PLB1: variants seen among roughly 807,000 people sequenced by gnomAD.
PLB1 encodes the protein phospholipase B1, membrane-associated.
In PLB1, 242 loss-of-function variants were observed where a neutral mutation model predicts 227.4. The observed-to-expected ratio is 1.06, with a 90% CI of 0.96 to 1.18. The LOEUF is 1.18. Ranked by LOEUF, PLB1 falls within the 50% of genes most tolerant of loss-of-function variation. PLB1 has a pLI of 0.00. For missense variants in PLB1, 1,858 were observed against 1,816.3 expected (o/e 1.02, Z -0.42); for synonymous variants, 757 against 682.2 (o/e 1.11, Z -1.71).
chr2:28,605,792 C>A, intron 41 of PLB1, 61 bp from the exon 42 acceptor site: 1 of 1,410,880 alleles, frequency 7.1e-7, no homozygotes, highest in Non-Finnish European at 1.0e-6. Flanking sequence ...GGGCCAAGTC[C>A]GCTGGTGGTG....
intron 49 of PLB1, among the ~76,000 whole-genome samples, chr2:28,623,585 A>G (rs951081178): frequency 9.2e-5 from 14 of 152,152 alleles, no homozygotes; most frequent in Admixed American, 7.9e-4. Flanking sequence ...AATGAGAAAC[A>G]AGGGTAGGGA....
chr2:28,519,860 G>A (rs1431057335), intron 4 of PLB1, 97 bp downstream of exon 4: 1 of 830,068 alleles, frequency 1.2e-6, no homozygotes, highest in African/African-American at 1.7e-5. Flanking sequence ...TTCATTTTGG[G>A]AGAGAACATC....
intron 26 of PLB1, among the ~76,000 whole-genome samples, chr2:28,589,177 A>T (rs1160714301): frequency 6.6e-6 from 1 of 152,006 alleles, no homozygotes; most frequent in Admixed American, 6.6e-5. Flanking sequence ...CAAAAAAAAA[A>T]GGTCAAGCTG....
At chr2:28,607,268 G>T (rs564670892) in intron 43 of PLB1, among the ~76,000 whole-genome samples, 1 of 152,334 alleles carries the variant, frequency 6.6e-6, no homozygotes, top group South Asian at 2.1e-4. Context: ...AATAAAAGCA[G>T]AAGGCCTGAC....
At chr2:28,504,659 T>C (rs997478106) in intron 1 of PLB1, among the ~76,000 whole-genome samples, 10 of 152,114 alleles carry the variant, frequency 6.6e-5, no homozygotes, top group African/African-American at 2.2e-4. Context: ...GGAGAATTAC[T>C]TGAACCTGGG....
chr2:28,625,964 A>G (rs931956273), intron 50 of PLB1, among the ~76,000 whole-genome samples: 12 of 149,566 alleles, frequency 8.0e-5, no homozygotes, highest in Admixed American at 2.0e-4. Flanking sequence ...CCTAGCACCA[A>G]TTGAGGGCTG....
intron 4 of PLB1, 99 bp from the exon 5 acceptor site, chr2:28,525,165 TTAC>T: frequency 9.2e-7 from 1 of 1,087,956 alleles, no homozygotes. Flanking sequence ...AGGTTCCCTC[TTAC>T]TGGCAGGAGG....
At chr2:28,531,243 A>G (rs774737790) in intron 8 of PLB1, among the ~76,000 whole-genome samples, 1 of 152,232 alleles carries the variant, frequency 6.6e-6, no homozygotes, top group Non-Finnish European at 1.5e-5. Flanking sequence ...CCTAGCATAT[A>G]TATCTTTATA....
chr2:28,585,015 C>T (rs1680670262), intron 25 of PLB1, among the ~76,000 whole-genome samples: 4 of 152,156 alleles, frequency 2.6e-5, no homozygotes, highest in Admixed American at 2.6e-4. Flanking sequence ...GCTGGGAGGA[C>T]TAAACAGGTT....
rs1671734124 is a variant in PLB1, at chr2:28,536,730, T to C, written c.556-1589T>C. Among the ~76,000 whole-genome samples, 5 of 152,210 alleles carry C rather than the reference T, an allele frequency of 3.3e-5. No homozygotes were observed. The South Asian group carries it at 1.0e-3, about 31-fold the overall frequency. ...TCAGCTTTTTCCTGACTTTGGGTTC[T>C]AGGAGTTTATTATGTATGACCTTAT... On this transcript the variant is annotated intron_variant, in intron 9 of 57. Coordinates refer to ENST00000327757, the MANE Select transcript of PLB1 (RefSeq NM_153021.5).
intron 1 of PLB1, among the ~76,000 whole-genome samples, chr2:28,511,788 C>CTTTTTTTTTT (rs59137589): frequency 0.01 from 1,339 of 132,368 alleles, 29 homozygotes; most frequent in South Asian, 0.025. Context: ...GCCATTTTAT[C>CTTTTTTTTTT]TTTTTTTTTT....
chr2:28,518,123 C>T (rs1030694902), intron 2 of PLB1, among the ~76,000 whole-genome samples: 3 of 152,140 alleles, frequency 2.0e-5, no homozygotes, highest in Admixed American at 6.5e-5. Context: ...CTCAAGTGAT[C>T]CTCCTACGTC....
At chr2:28,539,057 G>A (rs748504772) in intron 10 of PLB1, 42 bp from the exon 11 acceptor site, 18 of 1,543,026 alleles carry the variant, frequency 1.2e-5, no homozygotes, top group African/African-American at 9.5e-5. Flanking sequence ...CAGCCATGGC[G>A]ACTTGGCAAA....
intron 56 of PLB1, among the ~76,000 whole-genome samples, chr2:28,635,480 G>A (rs922492604): frequency 4.0e-5 from 6 of 149,282 alleles, no homozygotes; most frequent in Admixed American, 4.0e-4. Flanking sequence ...GTCCTTTCCT[G>A]GTGACCTGGG....
chr2:28,597,059 C>G lies in PLB1; in HGVS notation c.2322-946C>G, dbSNP rs1258835223. Among the ~76,000 whole-genome samples, 9 of 152,110 alleles carry G rather than the reference C, an allele frequency of 5.9e-5. No homozygotes were observed. The East Asian group carries it at 1.2e-3, about 20-fold the overall frequency. On this transcript the variant is annotated intron_variant, in intron 33 of 57. Transcript: ENST00000327757. ...CGGGCGAATCATGAGGTCAGGAGAT[C>G]GAGACCATCCTGGCTAACACGGTGG...
chr2:28,526,240 G>A (rs886797754), intron 6 of PLB1, among the ~76,000 whole-genome samples: 1 of 152,080 alleles, frequency 6.6e-6, no homozygotes. Context: ...AATGGGTGTC[G>A]GGGCCAGAGT....
intron 26 of PLB1, among the ~76,000 whole-genome samples, chr2:28,588,837 C>G (rs1428935881): frequency 6.6e-6 from 1 of 152,150 alleles, no homozygotes; most frequent in East Asian, 1.9e-4. Context: ...TAACCAAAAA[C>G]CACCCCTCAC....
At position 28,538,358 on chromosome 2, in the gene PLB1, G is replaced by A; in HGVS notation, c.595G>A (p.Val199Met). Residue 199 changes from valine (V) to methionine (M), a missense_variant, in exon 10 of 58, where the codon GTG (valine) becomes ATG (methionine). Val to Met is a conservative substitution (Grantham distance 21). Transcript: ENST00000327757. ...AAGGVDELMG[V>M]LDYLQQEVPR... ...GGGCGGCGTGGATGAGCTGATGGGGGTGCTGGACTACCTGCAGCAGGAGGT... is the reference window on the plus strand; with the variant it reads ...GGGCGGCGTGGATGAGCTGATGGGGATGCTGGACTACCTGCAGCAGGAGGT... The A allele has an allele frequency of 6.2e-7, 1 of 1,612,952 alleles. No individual in the cohort carries two copies.
chr2:28,531,967 CATATACT>C (rs930926991), intron 8 of PLB1, 134 bp from the exon 9 acceptor site: 2 of 634,872 alleles, frequency 3.2e-6, no homozygotes, highest in Non-Finnish European at 5.6e-6. Context: ...AAACTCCTGC[CATATACT>C]ACTATTGAAA....
Sources: allele counts gnomAD v4.1 joint callset (sites outside exome capture counted in the v4.1 genomes callset), GRCh38; gene constraint gnomAD v4.1.1; transcripts MANE v1.5; gene names NCBI Gene and HGNC (gene_info 2026-07-23, HGNC 2026-07-21).